RBFOX1: variants seen among roughly 807,000 people sequenced by gnomAD.
The protein encoded by RBFOX1 is RNA binding fox-1 homolog 1, also known as RNA binding protein fox-1 homolog 1.
In RBFOX1, 8 loss-of-function variants were observed where a neutral mutation model predicts 57.7. That is an observed-to-expected ratio of 0.14 (90% CI 0.08 to 0.25). The LOEUF (loss-of-function observed/expected upper bound fraction) is 0.25. RBFOX1 is among the 10% of genes least tolerant of loss of function. The pLI is 1.00. For synonymous variants in RBFOX1, 326 were observed against 222.4 expected (o/e 1.47, Z -4.15); for missense variants, 611 against 548.5 (o/e 1.11, Z -1.14).
At chr16:6,821,775 A>G (rs1050330212) in intron 3 of RBFOX1, among the ~76,000 whole-genome samples, 1 of 152,146 alleles carries the variant, frequency 6.6e-6, no homozygotes, top group Admixed American at 6.5e-5. Context: ...TTTTTCATTG[A>G]TAGACATTTG....
chr16:5,650,636 C>T lies in RBFOX1; in HGVS notation c.318+51675C>T, dbSNP rs143351173. On this transcript the variant is annotated intron_variant, in intron 3 of 19. Coordinates refer to the RBFOX1 transcript ENST00000641259. The stretch of plus-strand genomic sequence containing the variant: ...GTTCTGCCAGCTGCTTAGATAAACA[C>T]CAGAGGGGAGGGAATGGCAGCTTTT... 5.2e-3 allele frequency among the ~76,000 whole-genome samples: 791 copies of T among 152,226 alleles called. 13 individuals carry two copies. The highest frequency in any genetic ancestry group is 3.4e-3 in the Non-Finnish European group (228 of 67,990).
At chr16:7,171,586 C>T (rs1163138430) in intron 4 of RBFOX1, among the ~76,000 whole-genome samples, 1 of 152,154 alleles carries the variant, frequency 6.6e-6, no homozygotes, top group African/African-American at 2.4e-5. Context: ...GTAATTTTCT[C>T]TCTTTATGTT....
intron 3 of RBFOX1, among the ~76,000 whole-genome samples, chr16:6,838,659 C>G (rs967797672): frequency 7.2e-5 from 11 of 152,178 alleles, no homozygotes; most frequent in African/African-American, 2.7e-4. Flanking sequence ...TCCTAGAATT[C>G]TTTATTGGGC....
chr16:5,642,475 T>A (rs993771486), intron 3 of RBFOX1, among the ~76,000 whole-genome samples: 3 of 152,196 alleles, frequency 2.0e-5, no homozygotes, highest in African/African-American at 7.2e-5. Flanking sequence ...GCCTTCTGTG[T>A]TCAAGTGTTT....
At chr16:6,076,892 C>G (rs11864196) in intron 1 of RBFOX1, among the ~76,000 whole-genome samples, 1 of 152,060 alleles carries the variant, frequency 6.6e-6, no homozygotes, top group Non-Finnish European at 1.5e-5. Context: ...AGCTCTGGCT[C>G]AAGGTGGGAA....
chr16:6,578,308 C>G (rs1050154540), intron 2 of RBFOX1, among the ~76,000 whole-genome samples: 8 of 152,062 alleles, frequency 5.3e-5, no homozygotes, highest in African/African-American at 1.9e-4. Flanking sequence ...ATGTAACAGG[C>G]TGAGAACAGG....
At chr16:5,486,073 C>A (rs2069722043) in intron 2 of RBFOX1, among the ~76,000 whole-genome samples, 1 of 152,200 alleles carries the variant, frequency 6.6e-6, no homozygotes, top group Admixed American at 6.5e-5. Context: ...CAATTCTTTT[C>A]TCTCCCCTGA....
At chr16:7,251,967 G>A (rs956293099) in intron 4 of RBFOX1, among the ~76,000 whole-genome samples, 3 of 152,204 alleles carry the variant, frequency 2.0e-5, no homozygotes, top group African/African-American at 4.8e-5. Flanking sequence ...GTGGGGCACT[G>A]GGTGATTCTT....
intron 14 of RBFOX1, among the ~76,000 whole-genome samples, chr16:7,701,050 C>T (rs935753315): frequency 2.6e-5 from 4 of 152,142 alleles, no homozygotes; most frequent in Non-Finnish European, 4.4e-5. Context: ...GATGTGTTCC[C>T]TCCTACTTCT....
At chr16:6,865,808 A>G (rs1026314152) in intron 3 of RBFOX1, among the ~76,000 whole-genome samples, 1 of 152,154 alleles carries the variant, frequency 6.6e-6, no homozygotes, top group Admixed American at 6.5e-5. Flanking sequence ...TAACAGTTGC[A>G]CACGGAGAAT....
At chr16:5,342,403 T>C (rs1004467256) in intron 1 of RBFOX1, among the ~76,000 whole-genome samples, 5 of 152,172 alleles carry the variant, frequency 3.3e-5, no homozygotes, top group African/African-American at 1.2e-4. Flanking sequence ...TGGTGAATAA[T>C]GCCTCAGTCT....
chr16:6,468,320 C>G (rs544987089), intron 2 of RBFOX1, among the ~76,000 whole-genome samples: 1 of 152,272 alleles, frequency 6.6e-6, no homozygotes, highest in South Asian at 2.1e-4. Flanking sequence ...AATGGCAAGG[C>G]TACATTCATC....
At chr16:5,343,134 C>T (rs1485574400) in intron 1 of RBFOX1, among the ~76,000 whole-genome samples, 4 of 152,132 alleles carry the variant, frequency 2.6e-5, no homozygotes, top group African/African-American at 9.7e-5. Context: ...AGTAAGGAAG[C>T]ATGTGACCAT....
At chr16:7,013,968 A>G (rs1040145706) in intron 3 of RBFOX1, among the ~76,000 whole-genome samples, 8 of 152,116 alleles carry the variant, frequency 5.3e-5, no homozygotes, top group African/African-American at 1.7e-4. Context: ...AAAATGCTAT[A>G]TACTCTATTC....
chr16:6,195,452 T>A (rs1406722435), intron 1 of RBFOX1, among the ~76,000 whole-genome samples: 1 of 152,216 alleles, frequency 6.6e-6, no homozygotes, highest in East Asian at 1.9e-4. Flanking sequence ...GCGCAGTGGC[T>A]CATGCCTGTA....
downstream of RBFOX1, chr16:5,600,223 C>G (rs541614552): frequency 2.0e-5 from 3 of 151,750 alleles, no homozygotes; most frequent in Non-Finnish European, 2.9e-5. Flanking sequence ...ATGGCATGAA[C>G]CTGGGAGGCA....
intron 2 of RBFOX1, among the ~76,000 whole-genome samples, chr16:5,507,783 A>G (rs1256218844): frequency 6.6e-6 from 1 of 152,224 alleles, no homozygotes; most frequent in African/African-American, 2.4e-5. Flanking sequence ...GGAGAGGTGC[A>G]GCCACAAGCC....
chr16:6,757,401 C>G (rs1450918506), intron 3 of RBFOX1, among the ~76,000 whole-genome samples: 2 of 152,090 alleles, frequency 1.3e-5, no homozygotes, highest in Admixed American at 6.6e-5. Flanking sequence ...ACCTAAGTAT[C>G]CATTAAGAGA....
chr16:6,750,412 C>T (rs764193939), intron 3 of RBFOX1, among the ~76,000 whole-genome samples: 29 of 152,170 alleles, frequency 1.9e-4, no homozygotes, highest in Non-Finnish European at 3.4e-4. Flanking sequence ...GAAGCTGAAA[C>T]CAGGGTGGCT....
Sources: gnomAD v4.1 joint callset for allele counts (sites outside exome capture counted in the v4.1 genomes callset) on GRCh38, gnomAD v4.1.1 for gene constraint, MANE v1.5 for transcripts, NCBI Gene and HGNC (gene_info 2026-07-23, HGNC 2026-07-21) for gene names.